Variants in CDH13 observed in about 807,000 individuals in gnomAD.
The protein encoded by CDH13 is cadherin 13, also known as cadherin-13.
Under a neutral mutation model 63.8 loss-of-function variants are expected in CDH13, and 24 were observed. That is an observed-to-expected ratio of 0.38 (90% CI 0.27 to 0.53). CDH13 has a LOEUF of 0.53. Among genes scored for constraint, CDH13 ranks in the 20% least tolerant of loss-of-function variants. The pLI is 0.85. For synonymous variants in CDH13, 503 were observed against 355.3 expected, an observed-to-expected ratio of 1.42 and a Z score of -4.67; for missense variants, 1,049 against 903.1, an observed-to-expected ratio of 1.16 and a Z score of -2.07.
At chr16:83,713,697 G>C (rs1908437083) in intron 10 of CDH13, among the ~76,000 whole-genome samples, 1 of 152,122 alleles carries the variant, frequency 6.6e-6, no homozygotes, top group Non-Finnish European at 1.5e-5. Context: ...AGATCCAAGG[G>C]TGGATGTGGT....
intron 1 of CDH13, among the ~76,000 whole-genome samples, chr16:82,698,252 C>T (rs1343577147): frequency 6.6e-6 from 1 of 152,184 alleles, no homozygotes; most frequent in East Asian, 1.9e-4. Flanking sequence ...AGAGTCTTTG[C>T]ATGTCAAGCA....
At chr16:83,421,462 T>A (rs182739548) in intron 6 of CDH13, among the ~76,000 whole-genome samples, 1 of 152,350 alleles carries the variant, frequency 6.6e-6, no homozygotes, top group Admixed American at 6.5e-5. Flanking sequence ...CATGTTGACT[T>A]CTTGTCCCTG....
intron 4 of CDH13, among the ~76,000 whole-genome samples, chr16:83,188,545 G>A (rs1473958696): frequency 6.6e-6 from 1 of 152,094 alleles, no homozygotes; most frequent in Non-Finnish European, 1.5e-5. Context: ...AGACATTCAG[G>A]GATTTGCTTA....
At chr16:83,724,675 A>G (rs1174987880) in intron 10 of CDH13, among the ~76,000 whole-genome samples, 2 of 152,126 alleles carry the variant, frequency 1.3e-5, no homozygotes, top group Non-Finnish European at 2.9e-5. Flanking sequence ...TCACTGAAGG[A>G]GCCTATCTCC....
At chr16:83,527,484 C>G (rs933105156) in intron 7 of CDH13, among the ~76,000 whole-genome samples, 4 of 152,004 alleles carry the variant, frequency 2.6e-5, no homozygotes, top group Non-Finnish European at 5.9e-5. Context: ...AATGGGAATT[C>G]AGATACAAAA....
chr16:83,439,883 C>CT (rs2072433459), intron 6 of CDH13, among the ~76,000 whole-genome samples: 1 of 152,164 alleles, frequency 6.6e-6, no homozygotes, highest in African/African-American at 2.4e-5. Context: ...GGTGTCCTTT[C>CT]TCTAACAAAG....
At chr16:82,806,554 A>C (rs146862101) in intron 1 of CDH13, among the ~76,000 whole-genome samples, 118 of 152,318 alleles carry the variant, frequency 7.7e-4, no homozygotes, top group African/African-American at 2.6e-3. Flanking sequence ...TAAACAGAAA[A>C]GGAGTAATGA....
chr16:83,039,622 C>T (rs1023368728), intron 3 of CDH13, among the ~76,000 whole-genome samples: 16 of 152,144 alleles, frequency 1.1e-4, no homozygotes, highest in African/African-American at 3.9e-4. Flanking sequence ...TCCCTTCTTC[C>T]TTCCTGTGTG....
intron 6 of CDH13, among the ~76,000 whole-genome samples, chr16:83,420,384 G>T (rs1203763287): frequency 6.6e-6 from 1 of 152,088 alleles, no homozygotes; most frequent in African/African-American, 2.4e-5. Context: ...GATTAATGCT[G>T]GTCAAAGGAA....
At chr16:83,045,854 G>C (rs1384346400) in intron 3 of CDH13, among the ~76,000 whole-genome samples, 1 of 152,202 alleles carries the variant, frequency 6.6e-6, no homozygotes, top group Non-Finnish European at 1.5e-5. Context: ...AAATTACATG[G>C]TCTCATCCAA....
chr16:83,728,027 A>G (rs1168811307), intron 10 of CDH13, among the ~76,000 whole-genome samples: 1 of 152,202 alleles, frequency 6.6e-6, no homozygotes, highest in Non-Finnish European at 1.5e-5. Flanking sequence ...AGCTTTTGAA[A>G]ACTGTGACTG....
At chr16:83,180,748 C>A in intron 4 of CDH13, 1 of 693,108 alleles carries the variant, frequency 1.4e-6, no homozygotes, top group Non-Finnish European at 2.4e-6. Flanking sequence ...AACGGTCACT[C>A]TAGGTAATGT....
chr16:83,027,436 G>T (rs1249084815), intron 2 of CDH13, among the ~76,000 whole-genome samples: 4 of 152,308 alleles, frequency 2.6e-5, no homozygotes, highest in South Asian at 4.1e-4. Flanking sequence ...TGAAGAAGGT[G>T]AGAAATGCCT....
At chr16:83,443,840 TGGGA>T (rs1443541033) in intron 6 of CDH13, among the ~76,000 whole-genome samples, 1 of 141,128 alleles carries the variant, frequency 7.1e-6, no homozygotes, top group Non-Finnish European at 1.5e-5. Flanking sequence ...GAGGCTGAGG[TGGGA>T]GGATCATTTG....
chr16:83,138,042 A>G (rs2151669701), intron 4 of CDH13, among the ~76,000 whole-genome samples: 1 of 152,204 alleles, frequency 6.6e-6, no homozygotes, highest in Non-Finnish European at 1.5e-5. Context: ...TTCTGCAACC[A>G]GTAATGGAGG....
chr16:82,723,663 C>A (rs543679264), intron 1 of CDH13, among the ~76,000 whole-genome samples: 128 of 152,298 alleles, frequency 8.4e-4, no homozygotes, highest in African/African-American at 2.9e-3. Flanking sequence ...TGTGCAAATA[C>A]AAAACTCCAC....
At chr16:83,303,872 T>A (rs1268004992) in intron 5 of CDH13, among the ~76,000 whole-genome samples, 1 of 152,092 alleles carries the variant, frequency 6.6e-6, no homozygotes, top group African/African-American at 2.4e-5. Flanking sequence ...ATGACAGGCT[T>A]AGTGGGGCAT....
intron 3 of CDH13, among the ~76,000 whole-genome samples, chr16:83,053,540 G>T (rs537978747): frequency 6.6e-6 from 1 of 152,112 alleles, no homozygotes; most frequent in South Asian, 2.1e-4. Context: ...AAAACAGATT[G>T]GCTGAATTTT....
At chr16:83,450,208 C>T (rs1175896482) in intron 6 of CDH13, among the ~76,000 whole-genome samples, 1 of 152,188 alleles carries the variant, frequency 6.6e-6, no homozygotes, top group Non-Finnish European at 1.5e-5. Context: ...TGCATGATGC[C>T]CACAAACCCA....
Sources: gnomAD v4.1 joint callset for allele counts (sites outside exome capture counted in the v4.1 genomes callset) on GRCh38, gnomAD v4.1.1 for gene constraint, MANE v1.5 for transcripts, NCBI Gene and HGNC (gene_info 2026-07-23, HGNC 2026-07-21) for gene names.